NBEA: variants seen among roughly 807,000 people sequenced by gnomAD.
NBEA encodes the protein lysosomal-trafficking regulator 2.
In NBEA, 44 loss-of-function variants were observed where a neutral mutation model predicts 343.4. That is an observed-to-expected ratio of 0.13 (90% confidence interval 0.10 to 0.16). NBEA has a LOEUF of 0.16. Among genes scored for constraint, NBEA ranks in the 10% least tolerant of loss-of-function variants. The probability of loss-of-function intolerance (pLI) is 1.00; values close to 1 mark genes in which losing one functional copy is unlikely to be tolerated. For missense variants in NBEA, 2,555 were observed against 3,631.3 expected, an observed-to-expected ratio of 0.70 and a Z score of 7.62; for synonymous variants, 1,175 against 1,238.7, an observed-to-expected ratio of 0.95 and a Z score of 1.08.
chr13:35,099,295 T>C (rs372069934), intron 11 of NBEA, among the ~76,000 whole-genome samples: 227 of 147,254 alleles, frequency 1.5e-3, no homozygotes, highest in African/African-American at 5.5e-3. Context: ...GCCTCCCAGG[T>C]TCACGCCATT....
chr13:34,990,446 A>G (rs1441807409), intron 1 of NBEA, among the ~76,000 whole-genome samples: 1 of 151,200 alleles, frequency 6.6e-6, no homozygotes, highest in East Asian at 1.9e-4. Context: ...AGCTTGCACC[A>G]TCTGGAGCAG....
chr13:35,560,116 T>A (rs1448102096), intron 44 of NBEA, among the ~76,000 whole-genome samples: 1 of 143,674 alleles, frequency 7.0e-6, no homozygotes, highest in Non-Finnish European at 1.6e-5. Context: ...CTTATCCCCA[T>A]TTTACAGAGA....
chr13:35,570,069 T>G (rs1328848644), intron 45 of NBEA, among the ~76,000 whole-genome samples: 1 of 152,250 alleles, frequency 6.6e-6, no homozygotes, highest in East Asian at 1.9e-4. Context: ...AGTCTCGCTC[T>G]GTCGCCCAGG....
intron 18 of NBEA, among the ~76,000 whole-genome samples, chr13:35,149,297 G>T (rs2068627355): frequency 6.6e-6 from 1 of 152,004 alleles, no homozygotes; most frequent in South Asian, 2.1e-4. Context: ...CCTCATCATA[G>T]TAACTGTTTT....
intron 38 of NBEA, among the ~76,000 whole-genome samples, chr13:35,389,821 T>C (rs2042412908): frequency 6.6e-6 from 1 of 152,138 alleles, no homozygotes; most frequent in Non-Finnish European, 1.5e-5. Context: ...GTGGTCCTTT[T>C]ATAAATGGCT....
intron 17 of NBEA, among the ~76,000 whole-genome samples, chr13:35,129,632 A>G (rs529508980): frequency 9.2e-5 from 14 of 152,230 alleles, no homozygotes; most frequent in African/African-American, 3.1e-4. Context: ...GGGGGAAAAA[A>G]GGAAAGGTTT....
intron 10 of NBEA, among the ~76,000 whole-genome samples, chr13:35,075,488 G>A (rs940022511): frequency 3.3e-5 from 5 of 151,866 alleles, no homozygotes; most frequent in African/African-American, 1.2e-4. Flanking sequence ...TCTAGGAAAA[G>A]CATTTTTTAA....
At chr13:35,360,258 G>C (rs1194034518) in intron 38 of NBEA, among the ~76,000 whole-genome samples, 8 of 151,982 alleles carry the variant, frequency 5.3e-5, no homozygotes, top group Admixed American at 5.3e-4. Context: ...TTGCAAATCT[G>C]GAGCTTTAAA....
chr13:35,660,826 A>G (rs2085056133), intron 55 of NBEA, among the ~76,000 whole-genome samples: 1 of 152,240 alleles, frequency 6.6e-6, no homozygotes, highest in Non-Finnish European at 1.5e-5. Context: ...AGTTTGTATC[A>G]CTTCTCGGAG....
chr13:35,208,622 A>G (rs149955296), intron 31 of NBEA, 78 bp from the exon 32 acceptor site: 61 of 1,279,468 alleles, frequency 4.8e-5, no homozygotes, highest in Non-Finnish European at 5.9e-5. Context: ...GATGTTGACT[A>G]TGTATATCTG....
chr13:35,504,915 A>G (rs2077019466), intron 41 of NBEA, among the ~76,000 whole-genome samples: 1 of 152,124 alleles, frequency 6.6e-6, no homozygotes, highest in Non-Finnish European at 1.5e-5. Flanking sequence ...CCCAGCCAAT[A>G]TGTTTTTCAT....
At chr13:35,049,840 G>T (rs2063001925) in intron 5 of NBEA, among the ~76,000 whole-genome samples, 2 of 150,654 alleles carry the variant, frequency 1.3e-5, no homozygotes, top group South Asian at 4.2e-4. Context: ...ACTTGACTCT[G>T]ACCAAGTTTT....
At chr13:35,165,666 A>G (rs2069952862) in intron 24 of NBEA, among the ~76,000 whole-genome samples, 1 of 148,478 alleles carries the variant, frequency 6.7e-6, no homozygotes, top group African/African-American at 2.5e-5. Flanking sequence ...CATAGAGGGC[A>G]TTTTTTTCTT....
intron 40 of NBEA, among the ~76,000 whole-genome samples, chr13:35,454,064 A>G (rs749716393): frequency 6.6e-6 from 1 of 152,124 alleles, no homozygotes; most frequent in African/African-American, 2.4e-5. Context: ...ATACTCTTCT[A>G]GCGGGATCCT....
chr13:35,222,643 G>T (rs1034973454), intron 33 of NBEA, among the ~76,000 whole-genome samples: 1 of 151,834 alleles, frequency 6.6e-6, no homozygotes, highest in African/African-American at 2.4e-5. Flanking sequence ...TAAAATAAAA[G>T]ACAACTTTTT....
intron 34 of NBEA, among the ~76,000 whole-genome samples, chr13:35,285,235 C>T (rs2035342681): frequency 6.6e-6 from 1 of 152,040 alleles, no homozygotes; most frequent in Non-Finnish European, 1.5e-5. Context: ...TTCACATCAG[C>T]TTGGGAAAGT....
chr13:35,277,627 A>G (rs1419890301), intron 34 of NBEA, among the ~76,000 whole-genome samples: 2 of 129,482 alleles, frequency 1.5e-5, no homozygotes, highest in Non-Finnish European at 3.1e-5. Flanking sequence ...GTCTCCAAAA[A>G]AAAAAAAAAA....
chr13:35,377,630 A>G (rs1483340612), intron 38 of NBEA, among the ~76,000 whole-genome samples: 1 of 152,160 alleles, frequency 6.6e-6, no homozygotes, highest in Non-Finnish European at 1.5e-5. Context: ...GATCTCAGTG[A>G]TTGGTACCTA....
At chr13:35,132,893 G>T (rs1306239837) in intron 17 of NBEA, among the ~76,000 whole-genome samples, 1 of 152,120 alleles carries the variant, frequency 6.6e-6, no homozygotes, top group African/African-American at 2.4e-5. Flanking sequence ...GTTCAGTAAA[G>T]CTAGTAAAAA....
Sources: allele counts gnomAD v4.1 joint callset (sites outside exome capture counted in the v4.1 genomes callset), GRCh38; gene constraint gnomAD v4.1.1; transcripts MANE v1.5; gene names NCBI Gene and HGNC (gene_info 2026-07-23, HGNC 2026-07-21).